The following DLG2 variants were observed in gnomAD, a reference collection of about 807,000 sequenced individuals.
DLG2 encodes the protein discs large MAGUK scaffold protein 2.
Under a neutral mutation model 132.5 loss-of-function variants are expected in DLG2, and 45 were observed. The ratio of observed to expected loss-of-function variants is 0.34; its 90% confidence interval spans 0.27 to 0.44. The LOEUF (loss-of-function observed/expected upper bound fraction) is 0.44. Ranked by LOEUF, DLG2 falls within the 20% of genes least tolerant of loss-of-function variation. DLG2 has a pLI of 1.00. For missense variants in DLG2, 1,045 were observed against 1,196.9 expected (o/e 0.87, Z 1.87); for synonymous variants, 424 against 419.6 (o/e 1.01, Z -0.13).
intron 17 of DLG2, among the ~76,000 whole-genome samples, chr11:83,794,437 G>GTTTTT (rs200672667): frequency 1.6e-5 from 2 of 127,498 alleles, no homozygotes; most frequent in Non-Finnish European, 3.3e-5. Flanking sequence ...TTTACTATTG[G>GTTTTT]TTTTTTTTTT....
At chr11:84,814,288 G>C (rs963096513) in intron 6 of DLG2, among the ~76,000 whole-genome samples, 2 of 152,036 alleles carry the variant, frequency 1.3e-5, no homozygotes, top group African/African-American at 4.8e-5. Context: ...GGTATGCAAT[G>C]GAGAAAGTCG....
intron 10 of DLG2, among the ~76,000 whole-genome samples, chr11:84,085,095 A>G (rs532209875): frequency 2.6e-5 from 4 of 152,338 alleles, no homozygotes; most frequent in Middle Eastern, 6.8e-3. Flanking sequence ...TTTAATTGTT[A>G]AGCTAATTTG....
chr11:84,453,068 T>A (rs562892068), intron 7 of DLG2, among the ~76,000 whole-genome samples: 1 of 151,458 alleles, frequency 6.6e-6, no homozygotes, highest in South Asian at 2.1e-4. Flanking sequence ...ATGTATAAAT[T>A]TTCAAAAAAA....
chr11:83,471,482 TTAAA>T (rs1261442643), intron 24 of DLG2, 140 bp downstream of exon 24: 3 of 607,510 alleles, frequency 4.9e-6, no homozygotes, highest in South Asian at 2.1e-5. Context: ...GGCAAATAAA[TTAAA>T]TAAGGCACTC....
chr11:84,918,323 T>C (rs1183998066), intron 6 of DLG2, among the ~76,000 whole-genome samples: 1 of 140,710 alleles, frequency 7.1e-6, no homozygotes, highest in African/African-American at 2.6e-5. Context: ...TGTATTGCCA[T>C]AAATGATGGA....
chr11:83,968,620 C>A (rs1029084482), intron 12 of DLG2, among the ~76,000 whole-genome samples: 1 of 152,210 alleles, frequency 6.6e-6, no homozygotes, highest in African/African-American at 2.4e-5. Flanking sequence ...CACAATCAAA[C>A]TTTCACGATA....
intron 7 of DLG2, among the ~76,000 whole-genome samples, chr11:84,404,098 T>C (rs1388674104): frequency 1.3e-5 from 2 of 152,320 alleles, no homozygotes; most frequent in Non-Finnish European, 1.5e-5. Flanking sequence ...ATAAGCCTTA[T>C]TGACTTCCCA....
chr11:84,638,047 T>C (rs765158122), intron 6 of DLG2, among the ~76,000 whole-genome samples: 5 of 152,272 alleles, frequency 3.3e-5, no homozygotes, highest in Non-Finnish European at 7.3e-5. Flanking sequence ...ACGTGTTTGC[T>C]TGTTTGGCTG....
intron 7 of DLG2, among the ~76,000 whole-genome samples, chr11:84,415,823 A>G (rs1306584791): frequency 1.3e-5 from 2 of 152,192 alleles, no homozygotes; most frequent in East Asian, 3.8e-4. Context: ...TTTCTCATCT[A>G]TACAGCACTG....
Position 85,297,653 on chromosome 11 carries a change from C to G in DLG2, c.41-12288G>C, listed in dbSNP as rs11824846. On this transcript the variant is annotated intron_variant, in intron 3 of 27. Transcript: ENST00000376104. ...TCCCTTTCCCTTTCCCTTTCATTCC[C>G]TTCCTGAACAATTCAGTCCCAAAGC... Among the ~76,000 whole-genome samples, 1,410 of 152,090 alleles carry G rather than the reference C, an allele frequency of 9.3e-3. 19 individuals are homozygous for G. Among genetic ancestry groups the G allele is most frequent in the African/African-American group, 0.031 (1,270 of 41,458 alleles).
chr11:83,494,705 G>A (rs544632915), intron 21 of DLG2, among the ~76,000 whole-genome samples: 1 of 149,746 alleles, frequency 6.7e-6, no homozygotes, highest in East Asian at 2.0e-4. Context: ...AGGCTTCTAG[G>A]TGGAGCTCCC....
intron 6 of DLG2, among the ~76,000 whole-genome samples, chr11:85,036,309 A>G (rs909041440): frequency 6.6e-6 from 1 of 152,046 alleles, no homozygotes; most frequent in African/African-American, 2.4e-5. Flanking sequence ...GTCACACTAC[A>G]TATTTTCTTT....
chr11:83,650,582 A>G (rs1192335769), intron 18 of DLG2, among the ~76,000 whole-genome samples: 1 of 152,216 alleles, frequency 6.6e-6, no homozygotes, highest in Non-Finnish European at 1.5e-5. Flanking sequence ...ATTTGTAGTA[A>G]TTTATTATAG....
intron 3 of DLG2, among the ~76,000 whole-genome samples, chr11:85,334,107 G>A (rs1338117607): frequency 6.6e-6 from 1 of 152,050 alleles, no homozygotes; most frequent in African/African-American, 2.4e-5. Flanking sequence ...TTCAATGTCA[G>A]AATTCATTAT....
At chr11:84,766,717 G>A (rs921546082) in intron 6 of DLG2, among the ~76,000 whole-genome samples, 5 of 151,948 alleles carry the variant, frequency 3.3e-5, no homozygotes, top group South Asian at 2.1e-4. Flanking sequence ...TAGACACTAC[G>A]TTTATTGTTT....
chr11:84,404,689 T>C (rs886856821), intron 7 of DLG2, among the ~76,000 whole-genome samples: 9 of 152,186 alleles, frequency 5.9e-5, no homozygotes, highest in Non-Finnish European at 1.3e-4. Flanking sequence ...ACTCCCTGAT[T>C]TACTTTTGTA....
At chr11:83,714,421 C>T (rs1312750515) in intron 18 of DLG2, among the ~76,000 whole-genome samples, 2 of 152,084 alleles carry the variant, frequency 1.3e-5, no homozygotes, top group African/African-American at 2.4e-5. Context: ...ATAGTATACC[C>T]ATTTCATAGA....
chr11:84,958,931 T>C (rs190934049), intron 6 of DLG2, among the ~76,000 whole-genome samples: 1 of 152,274 alleles, frequency 6.6e-6, no homozygotes, highest in East Asian at 1.9e-4. Context: ...ACAATAAACA[T>C]AGGTTGAATT....
At position 83,692,666 on chromosome 11, in the gene DLG2, G is replaced by C. The variant is rs572476099; in HGVS notation, c.1826-59341C>G. On this transcript the variant is annotated intron_variant, in intron 18 of 27. Transcript: ENST00000376104. ...AATTTAAAAATAATGTAGGTAAAGG[G>C]CTTAGCCAATGCCTGGCACAAAACA... 2.6e-5 allele frequency among the ~76,000 whole-genome samples: 4 copies of C among 152,254 alleles called. No homozygotes were observed. In the South Asian group the frequency reaches 6.2e-4, roughly 24 times the overall value.
Sources: allele counts gnomAD v4.1 joint callset (sites outside exome capture counted in the v4.1 genomes callset), GRCh38; gene constraint gnomAD v4.1.1; transcripts MANE v1.5; gene names NCBI Gene and HGNC (gene_info 2026-07-23, HGNC 2026-07-21).